Variants in DIAPH2 observed in about 807,000 individuals in gnomAD.
DIAPH2 encodes diaphanous related formin 2.
DIAPH2 carries 35 observed loss-of-function variants against 92.7 expected under a neutral mutation model. That is an observed-to-expected ratio of 0.38 (90% CI 0.29 to 0.50). The LOEUF is 0.50. Ranked by LOEUF, DIAPH2 falls within the 20% of genes least tolerant of loss-of-function variation. The pLI is 0.94. For synonymous variants in DIAPH2, 301 were observed against 280.4 expected (o/e 1.07, Z -0.73); for missense variants, 701 against 819.5 (o/e 0.86, Z 1.77).
intron 15 of DIAPH2, among the ~76,000 whole-genome samples, chrX:96,950,719 T>G (rs1418507517): frequency 8.9e-6 from 1 of 111,858 alleles, no homozygotes; most frequent in East Asian, 2.8e-4. Context: ...TACTCCAGCC[T>G]TTAATATGTT....
intron 21 of DIAPH2, among the ~76,000 whole-genome samples, chrX:97,141,392 C>A: frequency 9.0e-6 from 1 of 111,315 alleles, no homozygotes; most frequent in African/African-American, 3.2e-5. Context: ...GTTCTTCTCT[C>A]ATGAAAAGAA....
intron 23 of DIAPH2, among the ~76,000 whole-genome samples, chrX:97,305,218 C>T (rs904495284): frequency 7.1e-5 from 8 of 111,926 alleles, no homozygotes; most frequent in Admixed American, 9.5e-5. Flanking sequence ...CTAGGTTGGG[C>T]GCGGTGGCTC....
chrX:96,743,969 A>G (rs1258872891), intron 3 of DIAPH2, among the ~76,000 whole-genome samples: 1 of 109,370 alleles, frequency 9.1e-6, no homozygotes, highest in Non-Finnish European at 1.9e-5. Context: ...TTATCTGTCA[A>G]TTAAAAAAAC....
At chrX:97,241,384 G>A (rs2068092125) in intron 22 of DIAPH2, among the ~76,000 whole-genome samples, 2 of 109,123 alleles carry the variant, frequency 1.8e-5, no homozygotes, top group African/African-American at 3.4e-5. Flanking sequence ...TGCCACCTCC[G>A]CCTCTTGGGT....
intron 23 of DIAPH2, among the ~76,000 whole-genome samples, chrX:97,293,283 G>T (rs1227858917): frequency 1.3e-5 from 1 of 78,937 alleles, no homozygotes; most frequent in Non-Finnish European, 2.2e-5. Flanking sequence ...ACGGAGTCTA[G>T]CTCTGTCGCC....
chrX:97,224,962 T>C (rs1056814224), intron 22 of DIAPH2, among the ~76,000 whole-genome samples: 1 of 111,297 alleles, frequency 9.0e-6, no homozygotes, highest in African/African-American at 3.3e-5. Context: ...TAGTAGAGGA[T>C]CCTTGAGTAC....
At position 97,476,968 on chromosome X, in the gene DIAPH2, A is replaced by AATAT. The variant is rs1556133291; in HGVS notation, c.3241+47237_3241+47240dup. 1.5e-3 allele frequency among the ~76,000 whole-genome samples: 49 copies of AATAT among 33,601 alleles called. 3 individuals carry two copies. The highest frequency in any genetic ancestry group is 2.0e-3 in the East Asian group (2 of 1,003). 29.2% of individuals were successfully genotyped at this position (33,601 alleles called of 115,157 possible). On this transcript the variant is annotated intron_variant, in intron 26 of 26. Transcript: ENST00000324765. ...TCAAAAAAAAAAAAAAAAAAAAAAA[A>AATAT]ATATATATATATATATACACACACA...
At chrX:97,262,200 G>A (rs2068294533) in intron 23 of DIAPH2, among the ~76,000 whole-genome samples, 1 of 110,234 alleles carries the variant, frequency 9.1e-6, no homozygotes, top group Non-Finnish European at 1.9e-5. Flanking sequence ...ACAATGATAA[G>A]TGATAAGGAA....
At chrX:97,560,735 C>A (rs1212003034) in intron 26 of DIAPH2, among the ~76,000 whole-genome samples, 1 of 112,387 alleles carries the variant, frequency 8.9e-6, no homozygotes, top group Non-Finnish European at 1.9e-5. Flanking sequence ...TCAGGTGATC[C>A]GCCTGCCTCG....
At chrX:97,458,100 T>G (rs1307752499) in intron 26 of DIAPH2, among the ~76,000 whole-genome samples, 3 of 110,934 alleles carry the variant, frequency 2.7e-5, no homozygotes, top group Non-Finnish European at 5.7e-5. Flanking sequence ...TAACAATACT[T>G]CTGTCATATT....
chrX:97,315,957 T>A (rs2068836480), intron 23 of DIAPH2, among the ~76,000 whole-genome samples: 1 of 112,046 alleles, frequency 8.9e-6, no homozygotes, highest in African/African-American at 3.2e-5. Context: ...GAAAAGCAGG[T>A]TCACATATTT....
intron 23 of DIAPH2, among the ~76,000 whole-genome samples, chrX:97,298,376 ATCTAC>A (rs1476291645): frequency 9.3e-6 from 1 of 107,739 alleles, no homozygotes; most frequent in Non-Finnish European, 1.9e-5. Context: ...ATGGAAGTGA[ATCTAC>A]TCTATGATAA....
intron 13 of DIAPH2, among the ~76,000 whole-genome samples, chrX:96,942,548 G>A (rs1322039445): frequency 9.0e-6 from 1 of 111,247 alleles, no homozygotes; most frequent in Non-Finnish European, 1.9e-5. Flanking sequence ...TAATGCCCAA[G>A]TTTTAGAAAA....
At position 96,962,298 on chromosome X, in the gene DIAPH2, T is replaced by TACATATATATATACATATATATATAC. The variant is rs1569436403; in HGVS notation, c.1936-2769_1936-2744dup. ...ACATATATATATACATATATATATATACATATATATATACATATATATATA... is the reference window on the plus strand; with the variant it reads ...ACATATATATATACATATATATATATACATATATATATACATATATATATACACATATATATATACATATATATATA... On this transcript the variant is annotated intron_variant, in intron 16 of 26. Transcript: ENST00000324765. Among the ~76,000 whole-genome samples, 20 of 50,473 alleles carry TACATATATATATACATATATATATAC rather than the reference T, an allele frequency of 4.0e-4. No homozygotes were observed. In the East Asian group the frequency reaches 5.1e-3, roughly 13 times the overall value. The allele number at this position is 50,473 out of a possible 115,157, so 43.8% of individuals were successfully genotyped here. A position where few individuals can be genotyped will look rare whatever the true frequency, so the allele number is the denominator to read the frequency against.
chrX:97,507,131 A>G (rs1441312448), intron 26 of DIAPH2, among the ~76,000 whole-genome samples: 1 of 87,799 alleles, frequency 1.1e-5, no homozygotes, highest in African/African-American at 4.0e-5. Flanking sequence ...ACACCAGTGA[A>G]CAAAACCGAC....
intron 23 of DIAPH2, among the ~76,000 whole-genome samples, chrX:97,323,593 G>GAA (rs1199744995): frequency 2.4e-3 from 55 of 23,244 alleles, no homozygotes; most frequent in African/African-American, 7.9e-3. Context: ...TCCGTCTCAA[G>GAA]AAAAAAAAAA....
At chrX:97,276,160 G>A (rs938503556) in intron 23 of DIAPH2, among the ~76,000 whole-genome samples, 7 of 109,929 alleles carry the variant, frequency 6.4e-5, no homozygotes, top group Non-Finnish European at 3.8e-5. Flanking sequence ...GCCTGCAGTC[G>A]CAGGCACTCG....
intron 21 of DIAPH2, among the ~76,000 whole-genome samples, chrX:97,132,539 C>G (rs934889891): frequency 1.8e-5 from 2 of 111,775 alleles, no homozygotes; most frequent in Non-Finnish European, 3.8e-5. Flanking sequence ...CAACCCTTGG[C>G]AGAGGGCACA....
chrX:97,549,415 G>C (rs967970431), intron 26 of DIAPH2, among the ~76,000 whole-genome samples: 75 of 111,444 alleles, frequency 6.7e-4, no homozygotes, highest in African/African-American at 2.4e-3. Context: ...CCTTCACCCA[G>C]ATTCCCCAAA....
Sources: allele counts gnomAD v4.1 joint callset (sites outside exome capture counted in the v4.1 genomes callset), GRCh38; gene constraint gnomAD v4.1.1; transcripts MANE v1.5; gene names NCBI Gene and HGNC (gene_info 2026-07-23, HGNC 2026-07-21).